EYS: variants seen among roughly 807,000 people sequenced by gnomAD.
The protein encoded by EYS is protein eyes shut homolog.
In EYS, 250 loss-of-function variants were observed where a neutral mutation model predicts 282.1. The ratio of observed to expected loss-of-function variants is 0.89; its 90% confidence interval spans 0.80 to 0.98. EYS has a LOEUF of 0.98. Ranked by LOEUF, EYS falls within the 50% of genes least tolerant of loss-of-function variation. EYS has a pLI of 0.00. For missense variants in EYS, 4,016 were observed against 3,709.0 expected (o/e 1.08, Z -2.15); for synonymous variants, 1,355 against 1,282.9 (o/e 1.06, Z -1.20).
intron 12 of EYS, among the ~76,000 whole-genome samples, chr6:65,071,970 T>C (rs946795444): frequency 6.6e-6 from 1 of 151,806 alleles, no homozygotes; most frequent in Admixed American, 6.6e-5. Flanking sequence ...AGTGTCTTGA[T>C]ATTGACTTTC....
chr6:64,024,697 C>T lies in EYS; in HGVS notation c.6726-25514G>A, dbSNP rs572969885. On this transcript the variant is annotated intron_variant, in intron 33 of 42. Coordinates refer to ENST00000503581, the MANE Select transcript of EYS (RefSeq NM_001142800.2). ...GAAGCTAGCGAGACCACGAACTCAC[C>T]GGGAGGAATGAACAACTCCAGACGT... 2.2e-4 allele frequency among the ~76,000 whole-genome samples: 34 copies of T among 152,114 alleles called. No homozygotes were observed. In the South Asian group the frequency reaches 4.8e-3, roughly 21 times the overall value.
rs1465607012 is a variant in EYS at position 64,902,515 on chromosome 6, A to G, written c.2642-15T>C. 1.4e-6 allele frequency: 2 copies of G among 1,459,344 alleles called. No individual in the cohort carries two copies. The highest frequency in any genetic ancestry group is 2.5e-5 in the East Asian group (1 of 40,030). The allele number at this position is 1,459,344 out of a possible 1,614,324, so 90.4% of individuals were successfully genotyped here. A position where few individuals can be genotyped will look rare whatever the true frequency, so the allele number is the denominator to read the frequency against. The stretch of plus-strand genomic sequence containing the variant: ...ACCTTCAAATTCTGCAAAGAGTATG[A>G]GATGAGTATGGATGAGCAATCCTTG... On this transcript the variant is annotated splice_polypyrimidine_tract_variant and intron_variant, in intron 16 of 42. Transcript: ENST00000503581.
intron 12 of EYS, among the ~76,000 whole-genome samples, chr6:65,060,752 A>G (rs924287633): frequency 2.7e-5 from 4 of 146,992 alleles, no homozygotes; most frequent in Admixed American, 6.8e-5. Context: ...ACATATATAT[A>G]TATGTGTATA....
intron 31 of EYS, among the ~76,000 whole-genome samples, chr6:64,101,179 T>C (rs1772813623): frequency 6.6e-6 from 1 of 151,666 alleles, no homozygotes; most frequent in Non-Finnish European, 1.5e-5. Context: ...AGAATGTTTA[T>C]TTTATTTTGT....
intron 22 of EYS, among the ~76,000 whole-genome samples, chr6:64,653,970 G>A (rs975097793): frequency 6.6e-6 from 1 of 152,226 alleles, no homozygotes; most frequent in East Asian, 1.9e-4. Context: ...AAATGTTGGA[G>A]ATTATTTATA....
intron 26 of EYS, among the ~76,000 whole-genome samples, chr6:64,582,418 T>A (rs1256796607): frequency 6.6e-6 from 1 of 152,044 alleles, no homozygotes; most frequent in Non-Finnish European, 1.5e-5. Flanking sequence ...TAGCCCCCCA[T>A]GGAAAAACTG....
intron 22 of EYS, among the ~76,000 whole-genome samples, chr6:64,798,056 T>G (rs1467297678): frequency 2.6e-5 from 4 of 151,934 alleles, no homozygotes; most frequent in Admixed American, 2.6e-4. Context: ...ATCGTATTAA[T>G]ATAAAGTAAC....
rs903874957 is a variant in EYS, at chr6:63,832,724, A to G, written c.7229-26352T>C. On this transcript the variant is annotated intron_variant, in intron 36 of 42. Coordinates refer to ENST00000503581, the MANE Select transcript of EYS (RefSeq NM_001142800.2). ...CTCCCTAACTCATTTCATGAGGCCA[A>G]CATCATCCTCATACCAAAGCCTGGC... Among the ~76,000 whole-genome samples the G allele has an allele frequency of 1.2e-4, 18 of 152,268 alleles. No homozygotes were observed. The East Asian group carries it at 2.7e-3, about 23-fold the overall frequency.
intron 35 of EYS, among the ~76,000 whole-genome samples, chr6:63,931,218 T>C (rs971573593): frequency 1.3e-5 from 2 of 152,190 alleles, no homozygotes; most frequent in African/African-American, 2.4e-5. Context: ...AGCCACCCCA[T>C]ACATCTGCTT....
chr6:65,483,031 T>C (rs1765660867), intron 5 of EYS, among the ~76,000 whole-genome samples: 1 of 152,174 alleles, frequency 6.6e-6, no homozygotes, highest in South Asian at 2.1e-4. Context: ...AATCTTATAG[T>C]TATAAAATTT....
chr6:63,938,371 C>A (rs185606859), intron 35 of EYS, among the ~76,000 whole-genome samples: 1 of 152,200 alleles, frequency 6.6e-6, no homozygotes, highest in Non-Finnish European at 1.5e-5. Context: ...AAGGGATGTC[C>A]CTCAGGTTCT....
intron 1 of EYS, among the ~76,000 whole-genome samples, chr6:65,655,307 A>G (rs923370176): frequency 1.3e-5 from 2 of 151,750 alleles, no homozygotes; most frequent in Non-Finnish European, 2.9e-5. Context: ...TTCCTTCTAA[A>G]GAATATAGTA....
chr6:64,511,585 A>G lies in EYS; in HGVS notation c.5645-72233T>C, dbSNP rs575138871. 2.0e-5 allele frequency among the ~76,000 whole-genome samples: 3 copies of G among 152,126 alleles called. No individual in the cohort carries two copies. The South Asian group carries it at 6.2e-4, about 32-fold the overall frequency. ...TGTGCCACTGAGTAGAGATGGAAGG[A>G]TGTACGCAACTCTGCATCCCAGTGA... On this transcript the variant is annotated intron_variant, in intron 26 of 42. Coordinates refer to ENST00000503581, the MANE Select transcript of EYS (RefSeq NM_001142800.2).
At chr6:64,582,104 C>T (rs902393881) in intron 26 of EYS, among the ~76,000 whole-genome samples, 5 of 152,136 alleles carry the variant, frequency 3.3e-5, no homozygotes, top group Non-Finnish European at 7.4e-5. Flanking sequence ...CTATGTGTGA[C>T]ACAACCTCTG....
intron 22 of EYS, among the ~76,000 whole-genome samples, chr6:64,753,407 G>A (rs1396386201): frequency 6.6e-6 from 1 of 151,610 alleles, no homozygotes; most frequent in East Asian, 1.9e-4. Flanking sequence ...CAGACTCAAG[G>A]TAAAGGGGTG....
intron 14 of EYS, among the ~76,000 whole-genome samples, chr6:64,971,205 G>A (rs1281668221): frequency 6.6e-6 from 1 of 151,990 alleles, no homozygotes; most frequent in Non-Finnish European, 1.5e-5. Flanking sequence ...TGCTGCCCAA[G>A]AGGCAGCAGC....
chr6:65,259,973 G>T (rs1767577491), intron 12 of EYS, among the ~76,000 whole-genome samples: 2 of 152,000 alleles, frequency 1.3e-5, no homozygotes, highest in African/African-American at 4.8e-5. Context: ...CAATATATTA[G>T]TCCATTTTCA....
intron 22 of EYS, among the ~76,000 whole-genome samples, chr6:64,799,272 T>C (rs1031068462): frequency 1.3e-5 from 2 of 151,974 alleles, no homozygotes; most frequent in Non-Finnish European, 2.9e-5. Flanking sequence ...TTTTTTCTTA[T>C]GCTTTGATAC....
At chr6:65,636,235 A>C (rs948158565) in intron 2 of EYS, among the ~76,000 whole-genome samples, 1 of 152,234 alleles carries the variant, frequency 6.6e-6, no homozygotes, top group Non-Finnish European at 1.5e-5. Flanking sequence ...CTTAAACAGA[A>C]GCGAAAATCT....
Sources: gnomAD v4.1 joint callset for allele counts (sites outside exome capture counted in the v4.1 genomes callset) on GRCh38, gnomAD v4.1.1 for gene constraint, MANE v1.5 for transcripts, NCBI Gene and HGNC (gene_info 2026-07-23, HGNC 2026-07-21) for gene names.